The following PSD2 variants were observed in gnomAD, a reference collection of about 807,000 sequenced individuals.
PSD2 encodes the protein pleckstrin and Sec7 domain containing 2.
PSD2 carries 38 observed loss-of-function variants against 69.8 expected under a neutral mutation model. The ratio of observed to expected loss-of-function variants is 0.54; its 90% CI spans 0.42 to 0.71. The LOEUF (loss-of-function observed/expected upper bound fraction) is 0.71, where lower values mean the gene tolerates loss of function less well. Among genes scored for constraint, PSD2 ranks in the 30% least tolerant of loss-of-function variants. The pLI, the probability that PSD2 is intolerant of heterozygous loss-of-function variation, is 0.00. For missense variants in PSD2, 943 were observed against 1,014.5 expected, an observed-to-expected ratio of 0.93 and a Z score of 0.96; for synonymous variants, 412 against 423.0, an observed-to-expected ratio of 0.97 and a Z score of 0.32.
chr5:139,822,329 G>T (rs1422427202), intron 6 of PSD2, among the ~76,000 whole-genome samples: 1 of 152,192 alleles, frequency 6.6e-6, no homozygotes, highest in Non-Finnish European at 1.5e-5. Context: ...TCTAGGTCGG[G>T]GTCCTCTTAG....
the PSD2 span, among the ~76,000 whole-genome samples, chr5:139,749,328 G>T: frequency 6.6e-6 from 1 of 152,182 alleles, no homozygotes; most frequent in Non-Finnish European, 1.5e-5. Context: ...GTGTCTGATT[G>T]CATTTTCTCT....
At chr5:139,793,568 C>T (rs566323309), upstream of PSD2, among the ~76,000 whole-genome samples, 2 of 152,326 alleles carry the variant, frequency 1.3e-5, no homozygotes, top group East Asian at 3.9e-4. Context: ...GTTCTGTGTG[C>T]CAGCCCAGCG....
chr5:139,824,524 G>A (rs1760365455), intron 7 of PSD2, among the ~76,000 whole-genome samples: 1 of 151,320 alleles, frequency 6.6e-6, no homozygotes, highest in South Asian at 2.1e-4. Flanking sequence ...AGCCTCCCGA[G>A]TAGCTGGGAC....
the PSD2 span, among the ~76,000 whole-genome samples, chr5:139,767,558 G>T: frequency 2.3e-3 from 349 of 152,210 alleles, 2 homozygotes; most frequent in African/African-American, 7.5e-3. Context: ...CAAGTGATCT[G>T]CCCACCTCGG....
At position 139,835,749 on chromosome 5, in the gene PSD2, A is replaced by G. The variant is rs1304781900; in HGVS notation, c.1386A>G (p.Glu462=). The change falls in exon 9 of 15, where the codon GAA becomes GAG. Residue 462 remains glutamate (E), a synonymous_variant. Coordinates refer to ENST00000274710, the MANE Select transcript of PSD2 (RefSeq NM_032289.4). The part of the protein sequence containing the change: ...LKTLYNSIKN[E]KLEWAIDEDE... The stretch of plus-strand genomic sequence containing the variant: ...CCCTTTACAACTCCATCAAGAATGA[A>G]AAGCTGGAATGGGCCATGTGAGTAG... 1.9e-6 allele frequency: 3 copies of G among 1,614,106 alleles called. No individual in the cohort carries two copies. The South Asian group carries it at 3.3e-5, about 18-fold the overall frequency.
chr5:139,822,106 G>T, intron 6 of PSD2, 101 bp downstream of exon 6: 1 of 669,952 alleles, frequency 1.5e-6, no homozygotes. Flanking sequence ...CCTGTTGCCA[G>T]GCCCAGATGG....
chr5:139,766,942 T>C, the PSD2 span, among the ~76,000 whole-genome samples: 2 of 115,946 alleles, frequency 1.7e-5, no homozygotes, highest in South Asian at 3.0e-4. Flanking sequence ...TCTTTCTTTC[T>C]TTCTTTCTTT....
intron 7 of PSD2, among the ~76,000 whole-genome samples, chr5:139,823,227 T>C (rs1422141888): frequency 6.6e-6 from 1 of 152,208 alleles, no homozygotes; most frequent in Non-Finnish European, 1.5e-5. Context: ...CCCCAGGCTG[T>C]CTCAGCACTT....
intron 5 of PSD2, among the ~76,000 whole-genome samples, chr5:139,818,421 C>T (rs1760178785): frequency 6.6e-6 from 1 of 152,052 alleles, no homozygotes; most frequent in African/African-American, 2.4e-5. Flanking sequence ...TGGTGCAGGC[C>T]TGTAGTCCCA....
chr5:139,776,356 G>T, the PSD2 span, among the ~76,000 whole-genome samples: 6 of 152,230 alleles, frequency 3.9e-5, no homozygotes, highest in Non-Finnish European at 8.8e-5. Flanking sequence ...TGCCCTGGAG[G>T]AAAAATCATG....
At chr5:139,766,950 T>C in the PSD2 span, among the ~76,000 whole-genome samples, 8 of 132,182 alleles carry the variant, frequency 6.1e-5, no homozygotes, top group Non-Finnish European at 9.8e-5. Flanking sequence ...TCTTTCTTTC[T>C]TTCTTTCTTT....
chr5:139,814,830 C>T lies in PSD2; in HGVS notation c.1016+466C>T, dbSNP rs1215099799. Among the ~76,000 whole-genome samples the T allele has an allele frequency of 1.3e-5, 2 of 152,160 alleles. No homozygotes were observed. The highest frequency in any genetic ancestry group is 4.8e-5 in the African/African-American group (2 of 41,448). On this transcript the variant is annotated intron_variant, in intron 4 of 14. Transcript: ENST00000274710. This position sits in a 1 kb window ranked among gnomAD's most constrained non-coding sequence, Gnocchi z 4.4. Reference sequence around the variant, plus strand: ...AAGGGGCTGAAGCCCCCAAAGCACACACCCTGGCCTTCAGACCAGGTGCAA... The same window carrying T: ...AAGGGGCTGAAGCCCCCAAAGCACATACCCTGGCCTTCAGACCAGGTGCAA...
the PSD2 span, among the ~76,000 whole-genome samples, chr5:139,783,943 CTTTTT>C: frequency 1.4e-4 from 12 of 87,886 alleles, 1 homozygote; most frequent in East Asian, 1.4e-3. Flanking sequence ...TCTGCTAGCT[CTTTTT>C]TTTTTTTTTT....
At chr5:139,826,581 G>A (rs746191716) in intron 7 of PSD2, among the ~76,000 whole-genome samples, 1 of 152,160 alleles carries the variant, frequency 6.6e-6, no homozygotes, top group Non-Finnish European at 1.5e-5. Context: ...CTTCTACCAC[G>A]AAGATGAGAT....
rs372036784 is a variant in PSD2, at chr5:139,813,588, G to T, written c.651G>T (p.Glu217Asp). Residue 217 changes from glutamate (E) to aspartate (D), a missense_variant, in exon 3 of 15, where the codon GAG (glutamate) becomes GAT (aspartate). Physicochemically the swap from Glu to Asp is conservative, Grantham distance 45. Coordinates refer to ENST00000274710, the MANE Select transcript of PSD2 (RefSeq NM_032289.4). ...TGGGGGCAGCTGGTGGTGATGGGGAGCTGGGCAGCCCCCTGCGGCGCTCCA... is the reference window on the plus strand; with the variant it reads ...TGGGGGCAGCTGGTGGTGATGGGGATCTGGGCAGCCCCCTGCGGCGCTCCA... The part of the protein sequence containing the change: ...GDMGAAGGDG[E>D]LGSPLRRSIS... The T allele has an allele frequency of 4.3e-6, 7 of 1,613,692 alleles. No individual in the cohort carries two copies. The highest frequency in any genetic ancestry group is 1.3e-5 in the African/African-American group (1 of 75,060).
chr5:139,828,418 A>G (rs930275418), intron 7 of PSD2, among the ~76,000 whole-genome samples: 6 of 152,286 alleles, frequency 3.9e-5, no homozygotes, highest in Non-Finnish European at 7.4e-5. Context: ...GTTTCTGGCG[A>G]AGCGCATTGG....
At chr5:139,824,553 C>A (rs138804157) in intron 7 of PSD2, among the ~76,000 whole-genome samples, 1 of 151,992 alleles carries the variant, frequency 6.6e-6, no homozygotes, top group East Asian at 1.9e-4. Flanking sequence ...CCTGCCACCA[C>A]GCCCGGCTAA....
In PSD2 at chr5:139,809,408, G is replaced by A. The variant is rs1454809903; in HGVS notation, c.-33G>A. The A allele has an allele frequency of 1.3e-6, 2 of 1,598,684 alleles. No individual in the cohort carries two copies. Among genetic ancestry groups the A allele is most frequent in the South Asian group, 2.3e-5 (2 of 88,364 alleles). ...ACTGCCAGGTCTAGAGGAGTCCCAG[G>A]AGCAGCCAGGACAGGCGGAAGCAGT... On this transcript the variant is annotated 5_prime_UTR_variant, in exon 2 of 15. Transcript: ENST00000274710.
chr5:139,842,462 G>A lies in PSD2; in HGVS notation c.2304G>A (p.Gly768=). The change falls in exon 15 of 15, where the codon GGG becomes GGA. Residue 768 remains glycine, a synonymous_variant. Coordinates refer to ENST00000274710, the MANE Select transcript of PSD2 (RefSeq NM_032289.4). ...TGSKTTKDAT[G]PDT is the part of the protein sequence containing the mutation. Reference sequence around the variant, plus strand: ...GCAAAACCACAAAGGATGCCACTGGGCCTGATACTTAGCTGACATGGATTT... The same window carrying A: ...GCAAAACCACAAAGGATGCCACTGGACCTGATACTTAGCTGACATGGATTT... 1 of 1,613,328 alleles carries A rather than the reference G, an allele frequency of 6.2e-7. No individual in the cohort carries two copies. The highest frequency in any genetic ancestry group is 8.5e-7 in the Non-Finnish European group (1 of 1,179,430).
Sources: gnomAD v4.1 joint callset for allele counts (sites outside exome capture counted in the v4.1 genomes callset) on GRCh38, gnomAD v4.1.1 for gene constraint, Gnocchi (gnomAD v3.1) non-coding constraint, MANE v1.5 for transcripts, NCBI Gene and HGNC (gene_info 2026-07-23, HGNC 2026-07-21) for gene names.